The following FAM3C variants were observed in gnomAD, a reference collection of about 807,000 sequenced individuals.
The protein encoded by FAM3C is protein FAM3C.
Under a neutral mutation model 32.5 loss-of-function variants are expected in FAM3C, and 15 were observed. That is an observed-to-expected ratio of 0.46 (90% CI 0.31 to 0.71). The LOEUF is 0.71. Among genes scored for constraint, FAM3C ranks in the 30% least tolerant of loss-of-function variants. The probability of loss-of-function intolerance (pLI) is 0.05; values close to 1 mark genes in which losing one functional copy is unlikely to be tolerated. For synonymous variants in FAM3C, 75 were observed against 86.1 expected (o/e 0.87, Z 0.72); for missense variants, 175 against 274.4 (o/e 0.64, Z 2.56).
chr7:121,387,633 C>G lies in FAM3C; in HGVS notation c.-41-4623G>C, dbSNP rs534683404. 7.2e-5 allele frequency among the ~76,000 whole-genome samples: 11 copies of G among 152,196 alleles called. No individual in the cohort carries two copies. The East Asian group carries it at 1.9e-3, about 27-fold the overall frequency. On this transcript the variant is annotated intron_variant, in intron 1 of 9. Transcript: ENST00000359943. Reference sequence around the variant, plus strand: ...ATCTATAGCAAAGGTGGAAACAAATCTAGATGCTGTTATGTTTCCAAACCA... The same window carrying G: ...ATCTATAGCAAAGGTGGAAACAAATGTAGATGCTGTTATGTTTCCAAACCA...
At chr7:121,356,649 TGCCCAG>T (rs1458591211) in intron 8 of FAM3C, among the ~76,000 whole-genome samples, 1 of 152,216 alleles carries the variant, frequency 6.6e-6, no homozygotes, top group Non-Finnish European at 1.5e-5. Context: ...AAGAGAATCT[TGCCCAG>T]GCTCCAATGC....
intron 2 of FAM3C, among the ~76,000 whole-genome samples, chr7:121,380,477 A>T (rs987473344): frequency 4.6e-5 from 7 of 152,080 alleles, no homozygotes; most frequent in African/African-American, 1.7e-4. Flanking sequence ...CTCATTCATA[A>T]GCAAAAGCTA....
At chr7:121,386,140 T>C (rs1440727080) in intron 1 of FAM3C, among the ~76,000 whole-genome samples, 1 of 152,160 alleles carries the variant, frequency 6.6e-6, no homozygotes, top group Non-Finnish European at 1.5e-5. Flanking sequence ...AGCTTGGGTA[T>C]TGGAACCCCT....
chr7:121,381,108 T>A (rs1777929818), intron 2 of FAM3C, among the ~76,000 whole-genome samples: 1 of 152,192 alleles, frequency 6.6e-6, no homozygotes, highest in Non-Finnish European at 1.5e-5. Flanking sequence ...AGGACCAGCA[T>A]CCCATTCTGG....
intron 5 of FAM3C, among the ~76,000 whole-genome samples, chr7:121,364,719 A>T (rs1242531382): frequency 6.6e-6 from 1 of 152,150 alleles, no homozygotes; most frequent in Non-Finnish European, 1.5e-5. Context: ...TATTGCACTC[A>T]TGAAATCACT....
At chr7:121,376,035 G>A (rs1312996850) in intron 3 of FAM3C, among the ~76,000 whole-genome samples, 1 of 152,198 alleles carries the variant, frequency 6.6e-6, no homozygotes, top group African/African-American at 2.4e-5. Flanking sequence ...GAGCAACATG[G>A]AACGAGTCCT....
chr7:121,368,969 GTTGTT>G (rs1305581080), intron 5 of FAM3C, among the ~76,000 whole-genome samples: 85 of 117,890 alleles, frequency 7.2e-4, no homozygotes, highest in South Asian at 3.3e-3. Flanking sequence ...TGTTGTTGTT[GTTGTT>G]TTTTTTTTTT....
intron 8 of FAM3C, among the ~76,000 whole-genome samples, chr7:121,354,413 C>T (rs1389025206): frequency 6.6e-6 from 1 of 152,138 alleles, no homozygotes; most frequent in Non-Finnish European, 1.5e-5. Context: ...AGAACGGTAT[C>T]AGGTTTTGCT....
intron 1 of FAM3C, among the ~76,000 whole-genome samples, chr7:121,394,244 C>A (rs1794639673): frequency 6.6e-6 from 1 of 151,880 alleles, no homozygotes; most frequent in Non-Finnish European, 1.5e-5. Context: ...CTTCTGATAC[C>A]CCCTCAGGGA....
At chr7:121,379,139 T>C (rs977728061) in intron 2 of FAM3C, 125 bp from the exon 3 acceptor site, 4 of 568,092 alleles carry the variant, frequency 7.0e-6, no homozygotes, top group African/African-American at 4.0e-5. Context: ...TATTAGATCT[T>C]AATTTTACAT....
intron 5 of FAM3C, among the ~76,000 whole-genome samples, chr7:121,366,432 A>G (rs1388593897): frequency 1.3e-5 from 2 of 152,208 alleles, no homozygotes; most frequent in African/African-American, 4.8e-5. Flanking sequence ...AGCCAATCAC[A>G]AAAGACCAAA....
intron 1 of FAM3C, among the ~76,000 whole-genome samples, chr7:121,383,255 A>T (rs1265997746): frequency 1.3e-5 from 2 of 152,120 alleles, no homozygotes; most frequent in Non-Finnish European, 2.9e-5. Flanking sequence ...AAAGTGTGTT[A>T]TCAAGCTTGT....
At chr7:121,351,105 A>G in intron 9 of FAM3C, 38 bp downstream of exon 9, 1 of 1,586,370 alleles carries the variant, frequency 6.3e-7, no homozygotes, top group Non-Finnish European at 8.6e-7. Flanking sequence ...GTTTCACAGA[A>G]TTTGTTTTTG....
At chr7:121,395,613 T>C (rs1017828598) in intron 1 of FAM3C, among the ~76,000 whole-genome samples, 41 of 152,038 alleles carry the variant, frequency 2.7e-4, no homozygotes, top group Middle Eastern at 3.4e-3. Context: ...GTGAGAGCAG[T>C]AGCAAACAAA....
intron 3 of FAM3C, among the ~76,000 whole-genome samples, chr7:121,376,092 C>A (rs1794233842): frequency 6.6e-6 from 1 of 152,174 alleles, no homozygotes; most frequent in Non-Finnish European, 1.5e-5. Flanking sequence ...CTGAAACCAG[C>A]TGTGTTCTGA....
chr7:121,389,362 C>T (rs966961844), intron 1 of FAM3C, among the ~76,000 whole-genome samples: 7 of 152,122 alleles, frequency 4.6e-5, no homozygotes, highest in African/African-American at 1.7e-4. Context: ...CTTCAAGGAG[C>T]TAAAAACTAA....
At chr7:121,394,683 T>C (rs1412778989) in intron 1 of FAM3C, among the ~76,000 whole-genome samples, 1 of 152,216 alleles carries the variant, frequency 6.6e-6, no homozygotes, top group Non-Finnish European at 1.5e-5. Flanking sequence ...ACAAAGCTTC[T>C]AATACCTGTA....
At chr7:121,374,616 A>G (rs574812964) in intron 3 of FAM3C, among the ~76,000 whole-genome samples, 1 of 152,352 alleles carries the variant, frequency 6.6e-6, no homozygotes, top group African/African-American at 2.4e-5. Context: ...CCATATATCC[A>G]TCTTCGTTAA....
At chr7:121,353,225 T>C (rs1171490545) in intron 8 of FAM3C, among the ~76,000 whole-genome samples, 1 of 152,204 alleles carries the variant, frequency 6.6e-6, no homozygotes, top group Admixed American at 6.5e-5. Context: ...TAAAATCTTA[T>C]CCAAGAATTT....
Sources: allele counts gnomAD v4.1 joint callset (sites outside exome capture counted in the v4.1 genomes callset), GRCh38; gene constraint gnomAD v4.1.1; transcripts MANE v1.5; gene names NCBI Gene and HGNC (gene_info 2026-07-23, HGNC 2026-07-21).